The following GRIN2A variants were observed in gnomAD, a reference collection of about 807,000 sequenced individuals.
GRIN2A encodes glutamate ionotropic receptor NMDA type subunit 2A.
In GRIN2A, 22 loss-of-function variants were observed where a neutral mutation model predicts 113.4. That is an observed-to-expected ratio of 0.19 (90% CI 0.14 to 0.28). The LOEUF (loss-of-function observed/expected upper bound fraction) is 0.28. Among genes scored for constraint, GRIN2A ranks in the 10% least tolerant of loss-of-function variants. GRIN2A has a pLI of 1.00. For synonymous variants in GRIN2A, 827 were observed against 738.4 expected, an observed-to-expected ratio of 1.12 and a Z score of -1.94; for missense variants, 1,502 against 1,887.0, an observed-to-expected ratio of 0.80 and a Z score of 3.78.
chr16:9,954,163 A>T (rs1438899671), intron 2 of GRIN2A, among the ~76,000 whole-genome samples: 2 of 152,204 alleles, frequency 1.3e-5, no homozygotes, highest in African/African-American at 2.4e-5. Context: ...AGGAAAACGA[A>T]GTGAACATTT....
At chr16:9,800,969 G>A (rs935524279) in intron 10 of GRIN2A, among the ~76,000 whole-genome samples, 2 of 152,202 alleles carry the variant, frequency 1.3e-5, no homozygotes, top group African/African-American at 4.8e-5. Flanking sequence ...AGTAGTAGGT[G>A]AAAGGAACCT....
intron 2 of GRIN2A, among the ~76,000 whole-genome samples, chr16:10,086,011 G>A (rs978538952): frequency 6.6e-6 from 1 of 152,172 alleles, no homozygotes; most frequent in Admixed American, 6.5e-5. Context: ...TGGGGGATGT[G>A]CCTGTGTGCT....
intron 2 of GRIN2A, among the ~76,000 whole-genome samples, chr16:10,094,898 A>AAC (rs1479789815): frequency 7.1e-6 from 1 of 141,564 alleles, no homozygotes; most frequent in Non-Finnish European, 1.6e-5. Context: ...AAAAAAAAAA[A>AAC]AAAAAAATGA....
At chr16:10,068,690 A>G (rs571751679) in intron 2 of GRIN2A, among the ~76,000 whole-genome samples, 10 of 152,314 alleles carry the variant, frequency 6.6e-5, no homozygotes, top group Middle Eastern at 3.4e-3. Context: ...TGGATCATCT[A>G]ATGTATTGGG....
At position 9,888,865 on chromosome 16, in the gene GRIN2A, A is replaced by G. The variant is rs185196026; in HGVS notation, c.1122+2121T>C. On this transcript the variant is annotated intron_variant, in intron 4 of 12. Transcript: ENST00000330684. ...TTTTTCCGCATCTATTGAAATGACC[A>G]TATTTCCCCCTTTACTCTGTTAATG... 3.9e-5 allele frequency among the ~76,000 whole-genome samples: 6 copies of G among 152,228 alleles called. No homozygotes were observed. The East Asian group carries it at 1.2e-3, about 29-fold the overall frequency.
chr16:9,782,524 C>T (rs926304478), intron 11 of GRIN2A, among the ~76,000 whole-genome samples: 2 of 152,170 alleles, frequency 1.3e-5, no homozygotes, highest in Non-Finnish European at 2.9e-5. Context: ...AAATTTTGCA[C>T]GAGCCTATGT....
intron 2 of GRIN2A, among the ~76,000 whole-genome samples, chr16:10,115,063 G>A (rs2048703637): frequency 6.6e-6 from 1 of 152,180 alleles, no homozygotes; most frequent in Non-Finnish European, 1.5e-5. Flanking sequence ...TGAGTTTGCA[G>A]CCCTTGCTGT....
intron 2 of GRIN2A, among the ~76,000 whole-genome samples, chr16:9,971,447 G>T (rs990401361): frequency 2.0e-5 from 3 of 152,182 alleles, no homozygotes; most frequent in Admixed American, 2.0e-4. Context: ...GTGCTCTCAG[G>T]GAACTGTAGC....
chr16:10,100,198 C>G (rs979983088), intron 2 of GRIN2A, among the ~76,000 whole-genome samples: 1 of 152,134 alleles, frequency 6.6e-6, no homozygotes. Flanking sequence ...TGGAAGGCCA[C>G]AGAGACAAAT....
intron 2 of GRIN2A, among the ~76,000 whole-genome samples, chr16:10,084,594 G>A (rs541993846): frequency 1.3e-5 from 2 of 152,000 alleles, no homozygotes; most frequent in Non-Finnish European, 2.9e-5. Flanking sequence ...TTGCATGTTG[G>A]GTGCCTGCCT....
chr16:9,859,981 T>G (rs1567352114), intron 4 of GRIN2A, among the ~76,000 whole-genome samples: 2 of 151,416 alleles, frequency 1.3e-5, no homozygotes, highest in African/African-American at 4.9e-5. Context: ...TGAACAGTCC[T>G]CAGAGAGGTC....
chr16:10,042,635 T>C (rs1418843169), intron 2 of GRIN2A, among the ~76,000 whole-genome samples: 1 of 152,218 alleles, frequency 6.6e-6, no homozygotes, highest in South Asian at 2.1e-4. Flanking sequence ...TTTGGGATGA[T>C]TTGTTATGCA....
chr16:10,128,748 A>T (rs533246608), intron 2 of GRIN2A, among the ~76,000 whole-genome samples: 72 of 152,340 alleles, frequency 4.7e-4, no homozygotes, highest in African/African-American at 1.4e-3. Context: ...GGCTGCTAAG[A>T]AACAGATGCA....
At chr16:9,795,179 G>A (rs1238450362) in intron 11 of GRIN2A, among the ~76,000 whole-genome samples, 1 of 152,164 alleles carries the variant, frequency 6.6e-6, no homozygotes, top group Non-Finnish European at 1.5e-5. Flanking sequence ...TAAGTCACAA[G>A]ATGAGATAGG....
intron 10 of GRIN2A, among the ~76,000 whole-genome samples, chr16:9,806,191 T>G (rs1361189323): frequency 1.3e-5 from 2 of 152,222 alleles, no homozygotes; most frequent in Non-Finnish European, 2.9e-5. Flanking sequence ...TTATAAATAT[T>G]TGCTTCATTG....
At chr16:9,973,426 C>T (rs1263537261) in intron 2 of GRIN2A, among the ~76,000 whole-genome samples, 2 of 152,182 alleles carry the variant, frequency 1.3e-5, no homozygotes, top group Non-Finnish European at 2.9e-5. Flanking sequence ...AGATCTCTTT[C>T]ACTGCCATGA....
At chr16:9,803,173 G>C (rs1297937053) in intron 10 of GRIN2A, among the ~76,000 whole-genome samples, 5 of 152,092 alleles carry the variant, frequency 3.3e-5, no homozygotes, top group African/African-American at 9.7e-5. Context: ...GGGAGGCCGA[G>C]GTGGGCGGAT....
chr16:9,933,520 C>G (rs2044645973), intron 3 of GRIN2A, among the ~76,000 whole-genome samples: 1 of 152,178 alleles, frequency 6.6e-6, no homozygotes, highest in South Asian at 2.1e-4. Flanking sequence ...TTGCAACCTC[C>G]CTGCTACATA....
chr16:9,950,314 T>G (rs919041907), intron 2 of GRIN2A, among the ~76,000 whole-genome samples: 1 of 152,154 alleles, frequency 6.6e-6, no homozygotes, highest in African/African-American at 2.4e-5. Flanking sequence ...CCTAAAGCTT[T>G]TCCTAGGTAT....
Sources: gnomAD v4.1 joint callset for allele counts (sites outside exome capture counted in the v4.1 genomes callset) on GRCh38, gnomAD v4.1.1 for gene constraint, MANE v1.5 for transcripts, NCBI Gene and HGNC (gene_info 2026-07-23, HGNC 2026-07-21) for gene names.